Variants in PPP1R9A observed in about 807,000 individuals in gnomAD.
The protein encoded by PPP1R9A is neurabin-1.
A neutral mutation model predicts 141.9 loss-of-function variants in PPP1R9A; 59 were observed. That is an observed-to-expected ratio of 0.42 (90% CI 0.34 to 0.52). The LOEUF is 0.52. PPP1R9A is among the 20% of genes least tolerant of loss of function. The pLI is 0.10. For synonymous variants in PPP1R9A, 500 were observed against 569.7 expected, an observed-to-expected ratio of 0.88 and a Z score of 1.74; for missense variants, 1,444 against 1,611.9, an observed-to-expected ratio of 0.90 and a Z score of 1.78.
intron 12 of PPP1R9A, among the ~76,000 whole-genome samples, chr7:95,258,538 G>C (rs1374098520): frequency 1.3e-5 from 2 of 152,052 alleles, no homozygotes; most frequent in African/African-American, 4.8e-5. Flanking sequence ...AAGAAAATCT[G>C]ATCATTAAAA....
intron 14 of PPP1R9A, among the ~76,000 whole-genome samples, chr7:95,272,530 CTT>C (rs1802369606): frequency 6.6e-6 from 1 of 152,090 alleles, no homozygotes; most frequent in Non-Finnish European, 1.5e-5. Flanking sequence ...ATTTCTGACT[CTT>C]GTGTTTCATT....
chr7:95,151,170 T>C (rs1376383407), intron 4 of PPP1R9A, among the ~76,000 whole-genome samples: 1 of 152,208 alleles, frequency 6.6e-6, no homozygotes. Flanking sequence ...ACACAAAAAC[T>C]TACACATAGA....
chr7:95,257,876 C>A (rs564851463), intron 12 of PPP1R9A, among the ~76,000 whole-genome samples: 18 of 151,982 alleles, frequency 1.2e-4, no homozygotes, highest in East Asian at 1.9e-4. Flanking sequence ...ATAGTATTCC[C>A]TGGTGTATAT....
chr7:95,142,002 G>A (rs558818993), intron 4 of PPP1R9A, among the ~76,000 whole-genome samples: 1 of 152,102 alleles, frequency 6.6e-6, no homozygotes, highest in Non-Finnish European at 1.5e-5. Context: ...AATGTATGAG[G>A]GTTCCAATTT....
intron 4 of PPP1R9A, among the ~76,000 whole-genome samples, chr7:95,159,925 C>CAAAAAA (rs751687197): frequency 7.5e-5 from 8 of 106,636 alleles, no homozygotes; most frequent in African/African-American, 1.2e-4. Context: ...GACATTGTCT[C>CAAAAAA]AAAAAAAAAA....
chr7:95,279,626 T>C (rs1187421940), intron 16 of PPP1R9A, among the ~76,000 whole-genome samples: 1 of 152,210 alleles, frequency 6.6e-6, no homozygotes, highest in Non-Finnish European at 1.5e-5. Context: ...AAAAAGCTCT[T>C]GAAAATCTAA....
At chr7:94,999,526 C>A (rs1802597847) in intron 2 of PPP1R9A, among the ~76,000 whole-genome samples, 1 of 151,966 alleles carries the variant, frequency 6.6e-6, no homozygotes, top group Non-Finnish European at 1.5e-5. Flanking sequence ...AAAAGAAAAT[C>A]AACAGAAAAC....
At chr7:94,932,580 A>G (rs1406383295) in intron 2 of PPP1R9A, among the ~76,000 whole-genome samples, 1 of 152,110 alleles carries the variant, frequency 6.6e-6, no homozygotes, top group African/African-American at 2.4e-5. Context: ...TATTCATGGC[A>G]TTTGACCTTG....
chr7:95,215,527 G>A (rs1006159501), intron 7 of PPP1R9A, among the ~76,000 whole-genome samples: 1 of 152,114 alleles, frequency 6.6e-6, no homozygotes, highest in Non-Finnish European at 1.5e-5. Flanking sequence ...TCTAGTTCTA[G>A]ATCCTTGAGG....
At chr7:95,022,605 G>C (rs1212140940) in intron 2 of PPP1R9A, among the ~76,000 whole-genome samples, 3 of 152,090 alleles carry the variant, frequency 2.0e-5, no homozygotes, top group African/African-American at 4.8e-5. Context: ...GTATGATATT[G>C]GCTATGGGTT....
intron 8 of PPP1R9A, among the ~76,000 whole-genome samples, chr7:95,233,432 G>A (rs1262864820): frequency 2.0e-5 from 3 of 152,072 alleles, no homozygotes; most frequent in Non-Finnish European, 4.4e-5. Flanking sequence ...GGGTTGATGG[G>A]TGCAGCAGCC....
At chr7:95,119,070 T>G (rs1377438183) in intron 3 of PPP1R9A, among the ~76,000 whole-genome samples, 1 of 152,022 alleles carries the variant, frequency 6.6e-6, no homozygotes, top group East Asian at 1.9e-4. Context: ...CTTTTAAAAG[T>G]GTCATTCTGT....
intron 2 of PPP1R9A, among the ~76,000 whole-genome samples, chr7:95,022,126 G>T (rs1419241900): frequency 6.6e-6 from 1 of 151,994 alleles, no homozygotes; most frequent in East Asian, 1.9e-4. Context: ...TTCCATTTGT[G>T]TGTGTCCTCT....
chr7:95,165,592 G>C (rs1831116398), intron 5 of PPP1R9A, among the ~76,000 whole-genome samples: 1 of 152,214 alleles, frequency 6.6e-6, no homozygotes, highest in Non-Finnish European at 1.5e-5. Flanking sequence ...AACTATGGAA[G>C]ATAGTAACTG....
chr7:95,048,865 A>C (rs1216453224), intron 2 of PPP1R9A, among the ~76,000 whole-genome samples: 1 of 151,838 alleles, frequency 6.6e-6, no homozygotes, highest in Non-Finnish European at 1.5e-5. Context: ...TATTATTTTT[A>C]ATTACTGTGT....
intron 16 of PPP1R9A, among the ~76,000 whole-genome samples, chr7:95,278,493 T>G (rs960788003): frequency 6.6e-6 from 1 of 152,206 alleles, no homozygotes; most frequent in African/African-American, 2.4e-5. Flanking sequence ...TCATTTATAT[T>G]TCTTTTTGGA....
At chr7:95,107,438 G>A (rs1264762777) in intron 2 of PPP1R9A, among the ~76,000 whole-genome samples, 1 of 151,852 alleles carries the variant, frequency 6.6e-6, no homozygotes, top group African/African-American at 2.4e-5. Flanking sequence ...GAACTTCTAG[G>A]ATCTGTGAAT....
chr7:95,278,995 T>C (rs144793324), intron 16 of PPP1R9A, among the ~76,000 whole-genome samples: 155 of 152,322 alleles, frequency 1.0e-3, no homozygotes, highest in African/African-American at 3.3e-3. Context: ...TTGAAGTACA[T>C]TTCAAATCCT....
intron 8 of PPP1R9A, among the ~76,000 whole-genome samples, chr7:95,235,688 T>G (rs1227790544): frequency 6.6e-6 from 1 of 152,178 alleles, no homozygotes; most frequent in Non-Finnish European, 1.5e-5. Context: ...AAAAGATACT[T>G]GCACATACAT....
Sources: gnomAD v4.1 joint callset for allele counts (sites outside exome capture counted in the v4.1 genomes callset) on GRCh38, gnomAD v4.1.1 for gene constraint, MANE v1.5 for transcripts, NCBI Gene and HGNC (gene_info 2026-07-23, HGNC 2026-07-21) for gene names.